Variants in CALD1 observed in about 807,000 individuals in gnomAD.
CALD1 encodes the protein caldesmon 1, also known as caldesmon.
A neutral mutation model predicts 99.9 loss-of-function variants in CALD1; 33 were observed. The ratio of observed to expected loss-of-function variants is 0.33; its 90% confidence interval spans 0.25 to 0.44. CALD1 has a LOEUF of 0.44. Among genes scored for constraint, CALD1 ranks in the 20% least tolerant of loss-of-function variants. CALD1 has a pLI of 1.00. For missense variants in CALD1, 861 were observed against 962.1 expected (o/e 0.89, Z 1.39); for synonymous variants, 310 against 325.0 (o/e 0.95, Z 0.50).
intron 11 of CALD1, 132 bp from the exon 12 acceptor site, chr7:134,959,842 C>T (rs764734459): frequency 2.1e-4 from 175 of 833,296 alleles, no homozygotes; most frequent in Non-Finnish European, 1.5e-4. Context: ...CAGAAATTAT[C>T]ACTCTCATTT....
At chr7:134,808,277 T>TA (rs397728056) in intron 1 of CALD1, among the ~76,000 whole-genome samples, 3 of 151,394 alleles carry the variant, frequency 2.0e-5, no homozygotes, top group Non-Finnish European at 4.4e-5. Context: ...ATTTTTTTTT[T>TA]AATTACTTTT....
At chr7:134,918,933 G>C (rs995585429) in intron 3 of CALD1, among the ~76,000 whole-genome samples, 2 of 152,168 alleles carry the variant, frequency 1.3e-5, no homozygotes, top group African/African-American at 4.8e-5. Context: ...CCAGGAGGTC[G>C]AGGCTGCAGT....
the CALD1 span, among the ~76,000 whole-genome samples, chr7:134,713,748 T>C: frequency 6.6e-6 from 1 of 152,156 alleles, no homozygotes; most frequent in African/African-American, 2.4e-5. Flanking sequence ...GGAATGATGG[T>C]CCACAGAACA....
chr7:134,843,344 T>C (rs1411299873), intron 1 of CALD1, among the ~76,000 whole-genome samples: 1 of 152,184 alleles, frequency 6.6e-6, no homozygotes, highest in Non-Finnish European at 1.5e-5. Flanking sequence ...TTAGCAACTC[T>C]CTGGCCCTTA....
the CALD1 span, among the ~76,000 whole-genome samples, chr7:134,731,537 C>T: frequency 6.6e-6 from 1 of 152,170 alleles, no homozygotes; most frequent in Non-Finnish European, 1.5e-5. Flanking sequence ...AATTGCTTTA[C>T]ATGATTGACC....
intron 6 of CALD1, among the ~76,000 whole-genome samples, chr7:134,938,677 T>C (rs919865707): frequency 2.6e-5 from 4 of 152,224 alleles, no homozygotes; most frequent in African/African-American, 9.6e-5. Flanking sequence ...AATTACTTTA[T>C]TTATTCATTT....
chr7:134,834,030 A>G (rs1287968958), intron 1 of CALD1, among the ~76,000 whole-genome samples: 1 of 152,234 alleles, frequency 6.6e-6, no homozygotes, highest in African/African-American at 2.4e-5. Flanking sequence ...TTATATGGAT[A>G]GCTTTGAATC....
In CALD1 at chr7:134,770,524, C is replaced by T. The variant is rs568660171; in HGVS notation, c.-130+26161C>T. ...AGCATTCCTTGGCTTGTAGGTGTGT[C>T]GCTTCCATCCCTGCCTCTGTATTCA... On this transcript the variant is annotated intron_variant, in intron 1 of 13. Transcript: ENST00000417172. Among the ~76,000 whole-genome samples, 5 of 152,168 alleles carry T rather than the reference C, an allele frequency of 3.3e-5. No individual in the cohort carries two copies. The East Asian group carries it at 7.7e-4, about 24-fold the overall frequency.
intron 4 of CALD1, among the ~76,000 whole-genome samples, chr7:134,932,696 G>A (rs1805611904): frequency 6.6e-6 from 1 of 152,328 alleles, no homozygotes; most frequent in East Asian, 1.9e-4. Flanking sequence ...GAGGGGTGCT[G>A]AGGTATCTAA....
chr7:134,760,713 A>G (rs1796769616), intron 1 of CALD1, among the ~76,000 whole-genome samples: 1 of 152,240 alleles, frequency 6.6e-6, no homozygotes, highest in Non-Finnish European at 1.5e-5. Context: ...AAGACATGCA[A>G]TATAGAAAAT....
At chr7:134,876,026 T>C (rs1157959207) in intron 3 of CALD1, among the ~76,000 whole-genome samples, 1 of 152,238 alleles carries the variant, frequency 6.6e-6, no homozygotes, top group Non-Finnish European at 1.5e-5. Context: ...AGGCTGTCTC[T>C]GACCTTATGA....
intron 1 of CALD1, among the ~76,000 whole-genome samples, chr7:134,808,527 AAG>A (rs1798238249): frequency 1.3e-5 from 2 of 152,214 alleles, no homozygotes; most frequent in African/African-American, 4.8e-5. Flanking sequence ...TCAGGCCAGA[AAG>A]TTTCATTAAA....
At chr7:134,711,694 GTGTGTGT>G in the CALD1 span, among the ~76,000 whole-genome samples, 16 of 119,026 alleles carry the variant, frequency 1.3e-4, 2 homozygotes, top group South Asian at 4.5e-3. Context: ...GTGTGTGTGT[GTGTGTGT>G]GTGTGTGTGT....
chr7:134,859,398 G>A (rs1351383376), intron 2 of CALD1, among the ~76,000 whole-genome samples: 3 of 152,158 alleles, frequency 2.0e-5, no homozygotes, highest in Non-Finnish European at 4.4e-5. Flanking sequence ...TTCTTCTCTA[G>A]TGGCCAATAG....
intron 1 of CALD1, among the ~76,000 whole-genome samples, chr7:134,762,330 C>T (rs1269018107): frequency 1.3e-5 from 2 of 152,174 alleles, no homozygotes; most frequent in Non-Finnish European, 2.9e-5. Context: ...GGCTCTAGTG[C>T]CTAGATAATG....
intron 1 of CALD1, among the ~76,000 whole-genome samples, chr7:134,780,495 G>GT (rs1797063987): frequency 6.6e-6 from 1 of 152,096 alleles, no homozygotes; most frequent in South Asian, 2.1e-4. Flanking sequence ...CTTTTTTTCT[G>GT]TTTGAAAGTG....
In CALD1 at chr7:134,771,592, C is replaced by T. The variant is rs897109412; in HGVS notation, c.-130+27229C>T. On this transcript the variant is annotated intron_variant, in intron 1 of 13. Transcript: ENST00000417172. Reference sequence around the variant, plus strand: ...CTCCTGTTTCTGCCTCTGGCAATCTCGCCCCTATTCTAGACAAGGTAGACA... The same window carrying T: ...CTCCTGTTTCTGCCTCTGGCAATCTTGCCCCTATTCTAGACAAGGTAGACA... 3.3e-5 allele frequency among the ~76,000 whole-genome samples: 5 copies of T among 152,316 alleles called. No homozygotes were observed. The East Asian group carries it at 5.8e-4, about 18-fold the overall frequency.
chr7:134,797,882 A>G (rs1481856848), intron 1 of CALD1, among the ~76,000 whole-genome samples: 1 of 152,190 alleles, frequency 6.6e-6, no homozygotes, highest in Non-Finnish European at 1.5e-5. Context: ...GTGAGCCACC[A>G]TGGCTGGCCA....
chr7:134,895,197 T>C (rs1337822931), intron 3 of CALD1, among the ~76,000 whole-genome samples: 4 of 151,878 alleles, frequency 2.6e-5, no homozygotes, highest in Non-Finnish European at 5.9e-5. Context: ...CATAAGAATA[T>C]TGAGATTTGT....
Sources: allele counts gnomAD v4.1 joint callset (sites outside exome capture counted in the v4.1 genomes callset), GRCh38; gene constraint gnomAD v4.1.1; transcripts MANE v1.5; gene names NCBI Gene and HGNC (gene_info 2026-07-23, HGNC 2026-07-21).